The following TCERG1L variants were observed in gnomAD, a reference collection of about 807,000 sequenced individuals.
TCERG1L encodes the protein transcription elongation regulator 1 like.
Under a neutral mutation model 56.3 loss-of-function variants are expected in TCERG1L, and 37 were observed. The ratio of observed to expected loss-of-function variants is 0.66; its 90% CI spans 0.51 to 0.87. TCERG1L has a LOEUF of 0.87. Ranked by LOEUF, TCERG1L falls within the 40% of genes least tolerant of loss-of-function variation. The pLI is 0.00. For missense variants in TCERG1L, 799 were observed against 774.2 expected, an observed-to-expected ratio of 1.03 and a Z score of -0.38; for synonymous variants, 324 against 326.3, an observed-to-expected ratio of 0.99 and a Z score of 0.08.
At chr10:131,111,542 T>C (rs1845413456) in intron 9 of TCERG1L, among the ~76,000 whole-genome samples, 1 of 142,968 alleles carries the variant, frequency 7.0e-6, no homozygotes, top group African/African-American at 2.5e-5. Context: ...GAATTAGAGG[T>C]GATTTTTCCT....
chr10:131,125,219 T>C (rs1845553643), intron 8 of TCERG1L, among the ~76,000 whole-genome samples: 1 of 151,952 alleles, frequency 6.6e-6, no homozygotes, highest in African/African-American at 2.4e-5. Flanking sequence ...ATGATGATGA[T>C]GGTGGTGGTG....
At position 131,186,311 on chromosome 10, in the gene TCERG1L, C is replaced by T. The variant is rs797018410; in HGVS notation, c.857-19426G>A. On this transcript the variant is annotated intron_variant, in intron 4 of 11. Transcript: ENST00000368642. Reference sequence around the variant, plus strand: ...TGGTGGTTGAGCAACATGGTAATTGCGCTCAATGCTGCTGAATTGCTCACT... The same window carrying T: ...TGGTGGTTGAGCAACATGGTAATTGTGCTCAATGCTGCTGAATTGCTCACT... Among the ~76,000 whole-genome samples the T allele has an allele frequency of 8.5e-5, 13 of 152,232 alleles. 2 individuals are homozygous for T. Among genetic ancestry groups the T allele is most frequent in the East Asian group, 1.9e-4 (1 of 5,184 alleles).
At chr10:131,202,512 C>T (rs1845451502) in intron 4 of TCERG1L, among the ~76,000 whole-genome samples, 2 of 152,056 alleles carry the variant, frequency 1.3e-5, no homozygotes, top group East Asian at 1.9e-4. Flanking sequence ...ACCTGGGAGG[C>T]GGAGGTTGCA....
chr10:131,310,854 T>G (rs1049964706), intron 1 of TCERG1L, among the ~76,000 whole-genome samples: 49 of 152,336 alleles, frequency 3.2e-4, no homozygotes, highest in African/African-American at 1.2e-3. Context: ...CAGATTAGAA[T>G]CTGAAACAGC....
chr10:131,140,764 A>G (rs930009004), intron 7 of TCERG1L, among the ~76,000 whole-genome samples: 1 of 152,160 alleles, frequency 6.6e-6, no homozygotes, highest in African/African-American at 2.4e-5. Context: ...CCAGGACGAG[A>G]TGGAGAGCCG....
Position 131,260,653 on chromosome 10 carries a change from A to T in TCERG1L, c.671-209T>A, listed in dbSNP as rs1467777671. ...ATCAGTCAAACGCTGCCATGCAACC[A>T]GTGCACACACAGAGCCGTGTGATGC... is the stretch of plus-strand genomic sequence containing the variant. On this transcript the variant is annotated intron_variant, in intron 3 of 11. Coordinates refer to ENST00000368642, the MANE Select transcript of TCERG1L (RefSeq NM_174937.4). The surrounding 1 kb of genome is among the most constrained non-coding windows in gnomAD (Gnocchi z 5.8). Among the ~76,000 whole-genome samples the T allele has an allele frequency of 6.6e-6, 1 of 152,194 alleles. No individual in the cohort carries two copies. The highest frequency in any genetic ancestry group is 1.5e-5 in the Non-Finnish European group (1 of 68,026).
chr10:131,233,290 G>C (rs1255464614), intron 4 of TCERG1L, among the ~76,000 whole-genome samples: 1 of 152,198 alleles, frequency 6.6e-6, no homozygotes, highest in Non-Finnish European at 1.5e-5. Flanking sequence ...TTTGCTTTCT[G>C]TGATGATTAA....
chr10:131,094,011 G>A (rs1342629141), intron 11 of TCERG1L, among the ~76,000 whole-genome samples: 2 of 152,246 alleles, frequency 1.3e-5, no homozygotes, highest in Non-Finnish European at 2.9e-5. Context: ...AGAGCTGCCA[G>A]GCCAGGTGGT....
At chr10:131,295,721 G>A (rs1292791494) in intron 3 of TCERG1L, among the ~76,000 whole-genome samples, 1 of 152,098 alleles carries the variant, frequency 6.6e-6, no homozygotes, top group Non-Finnish European at 1.5e-5. Flanking sequence ...ATTTCTTTGT[G>A]GTTGGAAACA....
Position 131,169,791 on chromosome 10 carries a change from T to C in TCERG1L, c.857-2906A>G, listed in dbSNP as rs532175573. On this transcript the variant is annotated intron_variant, in intron 4 of 11. Coordinates refer to ENST00000368642, the MANE Select transcript of TCERG1L (RefSeq NM_174937.4). ...TACGAGCATGTAAATAAATACACATTGTGAAAAACTGTGTTAGGAACACTG... is the reference window on the plus strand; with the variant it reads ...TACGAGCATGTAAATAAATACACATCGTGAAAAACTGTGTTAGGAACACTG... Among the ~76,000 whole-genome samples the C allele has an allele frequency of 4.9e-4, 74 of 152,294 alleles. 2 individuals are homozygous for C. In the South Asian group the frequency reaches 0.015, roughly 31 times the overall value.
chr10:131,148,631 C>A (rs1845829121), intron 6 of TCERG1L, among the ~76,000 whole-genome samples: 1 of 151,888 alleles, frequency 6.6e-6, no homozygotes, highest in Admixed American at 6.6e-5. Flanking sequence ...CACACATGCA[C>A]ACACACACGG....
chr10:131,222,276 T>C (rs989356583), intron 4 of TCERG1L, among the ~76,000 whole-genome samples: 1 of 152,278 alleles, frequency 6.6e-6, no homozygotes, highest in South Asian at 2.1e-4. Context: ...ATCTGACAGA[T>C]GCTTCAAAGT....
At chr10:131,295,035 TTA>T (rs1208866782) in intron 3 of TCERG1L, among the ~76,000 whole-genome samples, 3 of 152,140 alleles carry the variant, frequency 2.0e-5, no homozygotes, top group African/African-American at 7.2e-5. Flanking sequence ...TTTTTTGTTC[TTA>T]TAGTTTTGCT....
chr10:131,186,709 C>T (rs772527815), intron 4 of TCERG1L, among the ~76,000 whole-genome samples: 11 of 152,166 alleles, frequency 7.2e-5, no homozygotes, highest in Non-Finnish European at 1.6e-4. Context: ...GGCGAGAAGG[C>T]AGAGGGCTGT....
At chr10:131,270,346 T>A (rs947693082) in intron 3 of TCERG1L, among the ~76,000 whole-genome samples, 1 of 152,204 alleles carries the variant, frequency 6.6e-6, no homozygotes, top group Non-Finnish European at 1.5e-5. Flanking sequence ...ATACACTGCA[T>A]GGACGGATAA....
chr10:131,218,584 C>T (rs1845698819), intron 4 of TCERG1L, among the ~76,000 whole-genome samples: 1 of 152,218 alleles, frequency 6.6e-6, no homozygotes, highest in African/African-American at 2.4e-5. Flanking sequence ...ACCTCCGCTT[C>T]CCAAGTTCAA....
chr10:131,279,993 C>G (rs940506324), intron 3 of TCERG1L, among the ~76,000 whole-genome samples: 1 of 152,044 alleles, frequency 6.6e-6, no homozygotes, highest in Non-Finnish European at 1.5e-5. Context: ...TCGTGAGCCC[C>G]GAAAATCAGA....
chr10:131,146,682 T>A (rs1845799183), intron 6 of TCERG1L, 22 bp from the exon 7 acceptor site: 1 of 1,599,082 alleles, frequency 6.3e-7, no homozygotes, highest in Non-Finnish European at 8.5e-7. Flanking sequence ...GAAAAACTCA[T>A]CTCAGTCGCT....
intron 4 of TCERG1L, among the ~76,000 whole-genome samples, chr10:131,176,534 G>A (rs570615553): frequency 2.7e-5 from 4 of 149,630 alleles, no homozygotes; most frequent in South Asian, 2.1e-4. Context: ...ACACAAACAC[G>A]TGTACACCCA....
Sources: allele counts gnomAD v4.1 joint callset (sites outside exome capture counted in the v4.1 genomes callset), GRCh38; gene constraint gnomAD v4.1.1; non-coding constraint Gnocchi (gnomAD v3.1); transcripts MANE v1.5; gene names NCBI Gene and HGNC (gene_info 2026-07-23, HGNC 2026-07-21).